The following CSGALNACT1 variants were observed in gnomAD, a reference collection of about 807,000 sequenced individuals.
CSGALNACT1 encodes chondroitin sulfate N-acetylgalactosaminyltransferase 1, also known as beta4GalNAcT-1.
Under a neutral mutation model 51.0 loss-of-function variants are expected in CSGALNACT1, and 52 were observed. The ratio of observed to expected loss-of-function variants is 1.02; its 90% CI spans 0.82 to 1.29. The LOEUF is 1.29. Among genes scored for constraint, CSGALNACT1 ranks in the 50% most tolerant of loss-of-function variants. The pLI is 0.00. For synonymous variants in CSGALNACT1, 341 were observed against 254.4 expected, an observed-to-expected ratio of 1.34 and a Z score of -3.24; for missense variants, 935 against 679.2, an observed-to-expected ratio of 1.38 and a Z score of -4.19.
rs186769835 is a variant in CSGALNACT1 at position 19,717,874 on chromosome 8, C to G, written c.-297+39976G>C. Among the ~76,000 whole-genome samples the G allele has an allele frequency of 7.9e-5, 12 of 152,216 alleles. No individual in the cohort carries two copies. The East Asian group carries it at 2.3e-3, about 29-fold the overall frequency. On this transcript the variant is annotated intron_variant, in intron 1 of 1. Coordinates refer to the CSGALNACT1 transcript ENST00000517494. ...TCAGGCACTGCAACCCTAGTCTAGA[C>G]TAGTCTGCGGCATTGCTAACCTAGT...
chr8:19,598,804 G>C (rs920970778), intron 2 of CSGALNACT1, among the ~76,000 whole-genome samples: 1 of 152,210 alleles, frequency 6.6e-6, no homozygotes, highest in Admixed American at 6.5e-5. Context: ...GTGCCCATAA[G>C]AAGAATGTGG....
intron 3 of CSGALNACT1, among the ~76,000 whole-genome samples, chr8:19,543,532 G>T (rs1041260181): frequency 6.6e-6 from 1 of 152,214 alleles, no homozygotes; most frequent in Non-Finnish European, 1.5e-5. Context: ...TTTGGCAGGG[G>T]TTGCTACACA....
upstream of CSGALNACT1, among the ~76,000 whole-genome samples, chr8:19,687,424 A>G (rs1301955302): frequency 2.0e-5 from 3 of 152,216 alleles, no homozygotes; most frequent in Non-Finnish European, 2.9e-5. Context: ...AATATATTAT[A>G]TATGTGCATA....
chr8:19,607,529 G>A (rs2051562615), intron 1 of CSGALNACT1, among the ~76,000 whole-genome samples: 1 of 152,156 alleles, frequency 6.6e-6, no homozygotes, highest in Admixed American at 6.5e-5. Context: ...CACTCCACAT[G>A]CAATTGTTCA....
intron 4 of CSGALNACT1, among the ~76,000 whole-genome samples, chr8:19,497,786 T>C (rs966949043): frequency 1.3e-5 from 2 of 152,172 alleles, no homozygotes; most frequent in Admixed American, 6.5e-5. Flanking sequence ...GCCTCCCTAA[T>C]GTATTCAAAG....
chr8:19,453,163 G>C (rs1280354526), intron 5 of CSGALNACT1, among the ~76,000 whole-genome samples: 1 of 152,140 alleles, frequency 6.6e-6, no homozygotes, highest in Non-Finnish European at 1.5e-5. Flanking sequence ...AAATGGGTCT[G>C]AAAGAAAATG....
At chr8:19,508,118 T>A (rs961583992) in intron 3 of CSGALNACT1, among the ~76,000 whole-genome samples, 1 of 152,232 alleles carries the variant, frequency 6.6e-6, no homozygotes, top group Non-Finnish European at 1.5e-5. Context: ...TGGTAGTCTA[T>A]CCTATTTACC....
intron 1 of CSGALNACT1, among the ~76,000 whole-genome samples, chr8:19,631,333 T>G (rs1164385676): frequency 6.6e-6 from 1 of 152,028 alleles, no homozygotes; most frequent in Non-Finnish European, 1.5e-5. Flanking sequence ...ATGAATGGAG[T>G]TTCTGTTGCT....
At chr8:19,598,610 G>C (rs1378755317) in intron 2 of CSGALNACT1, among the ~76,000 whole-genome samples, 2 of 152,112 alleles carry the variant, frequency 1.3e-5, no homozygotes, top group African/African-American at 4.8e-5. Context: ...TTATTTGCTA[G>C]TCATGCTTCA....
intron 3 of CSGALNACT1, among the ~76,000 whole-genome samples, chr8:19,581,768 C>T (rs2045627834): frequency 1.3e-5 from 2 of 152,106 alleles, no homozygotes; most frequent in Non-Finnish European, 2.9e-5. Context: ...TTTCTGGGGA[C>T]CCAAGGCCCA....
intron 3 of CSGALNACT1, among the ~76,000 whole-genome samples, chr8:19,560,657 A>C (rs963422677): frequency 5.3e-5 from 8 of 152,330 alleles, no homozygotes; most frequent in African/African-American, 1.9e-4. Context: ...AAGCAAAATA[A>C]AACCACAAAG....
At chr8:19,654,020 C>T (rs746617206) in intron 1 of CSGALNACT1, among the ~76,000 whole-genome samples, 7 of 152,144 alleles carry the variant, frequency 4.6e-5, no homozygotes, top group African/African-American at 1.2e-4. Flanking sequence ...CCCACAGGGA[C>T]CCTGAAAGTC....
chr8:19,467,966 A>G (rs1325151921), intron 4 of CSGALNACT1, among the ~76,000 whole-genome samples: 6 of 152,238 alleles, frequency 3.9e-5, no homozygotes, highest in South Asian at 2.1e-4. Context: ...AGCCTCAGCA[A>G]CAGAGTGAAA....
At chr8:19,509,881 C>T (rs1412908650) in intron 3 of CSGALNACT1, among the ~76,000 whole-genome samples, 2 of 152,230 alleles carry the variant, frequency 1.3e-5, no homozygotes, top group Middle Eastern at 3.4e-3. Context: ...TTTATGTGAT[C>T]ACAGCAGCAT....
At chr8:19,624,664 T>C (rs2054226053) in intron 1 of CSGALNACT1, among the ~76,000 whole-genome samples, 1 of 151,670 alleles carries the variant, frequency 6.6e-6, no homozygotes, top group African/African-American at 2.4e-5. Context: ...CTTGTACTTT[T>C]ACCATCTTCT....
chr8:19,700,638 A>C (rs963978509), intron 1 of CSGALNACT1, among the ~76,000 whole-genome samples: 5 of 152,246 alleles, frequency 3.3e-5, no homozygotes, highest in Middle Eastern at 3.4e-3. Flanking sequence ...TGAACTGAAA[A>C]CATCCGATGT....
intron 6 of CSGALNACT1, among the ~76,000 whole-genome samples, chr8:19,424,174 G>A (rs537596065): frequency 1.3e-5 from 2 of 152,318 alleles, no homozygotes; most frequent in East Asian, 3.9e-4. Context: ...ACATGAGTGT[G>A]CACAGAAGGC....
chr8:19,694,334 A>C (rs1046890881), intron 1 of CSGALNACT1, among the ~76,000 whole-genome samples: 1 of 152,224 alleles, frequency 6.6e-6, no homozygotes, highest in African/African-American at 2.4e-5. Context: ...CCTCCCTGGA[A>C]GCTTCTTGTT....
intron 3 of CSGALNACT1, among the ~76,000 whole-genome samples, chr8:19,565,124 T>C (rs1039139140): frequency 6.6e-6 from 1 of 152,234 alleles, no homozygotes; most frequent in Non-Finnish European, 1.5e-5. Flanking sequence ...TTTCCTACTG[T>C]ATATAGAGAG....
Sources: allele counts gnomAD v4.1 joint callset (sites outside exome capture counted in the v4.1 genomes callset), GRCh38; gene constraint gnomAD v4.1.1; transcripts MANE v1.5; gene names NCBI Gene and HGNC (gene_info 2026-07-23, HGNC 2026-07-21).